Variants in FRS2 observed in about 807,000 individuals in gnomAD.
The protein encoded by FRS2 is FGFR signalling adaptor.
In FRS2, 8 loss-of-function variants were observed where a neutral mutation model predicts 43.9. The observed-to-expected ratio is 0.18, with a 90% confidence interval of 0.11 to 0.33. The LOEUF is 0.33. FRS2 is among the 10% of genes least tolerant of loss of function. FRS2 has a pLI of 1.00. For missense variants in FRS2, 534 were observed against 627.6 expected, an observed-to-expected ratio of 0.85 and a Z score of 1.59; for synonymous variants, 219 against 220.3, an observed-to-expected ratio of 0.99 and a Z score of 0.05.
At chr12:69,562,810 C>G (rs1449115622) in intron 4 of FRS2, among the ~76,000 whole-genome samples, 2 of 152,070 alleles carry the variant, frequency 1.3e-5, no homozygotes, top group Non-Finnish European at 1.5e-5. Context: ...CCACCTCAAC[C>G]TCCCAAGTAG....
chr12:69,489,894 T>G (rs550712848), intron 1 of FRS2, among the ~76,000 whole-genome samples: 10 of 151,880 alleles, frequency 6.6e-5, no homozygotes, highest in Admixed American at 5.9e-4. Flanking sequence ...TTGTTTGATA[T>G]GCCAGCTAAC....
intron 1 of FRS2, among the ~76,000 whole-genome samples, chr12:69,481,547 A>G (rs957648341): frequency 6.6e-6 from 1 of 152,096 alleles, no homozygotes; most frequent in African/African-American, 2.4e-5. Flanking sequence ...TCGGCCTCCC[A>G]AAGTGCTGGA....
At chr12:69,554,322 G>A (rs1879159702) in intron 3 of FRS2, among the ~76,000 whole-genome samples, 1 of 152,098 alleles carries the variant, frequency 6.6e-6, no homozygotes, top group South Asian at 2.1e-4. Flanking sequence ...ACATTTTAGG[G>A]TGTGTTCATC....
At chr12:69,482,772 G>T (rs1215550358) in intron 1 of FRS2, among the ~76,000 whole-genome samples, 1 of 152,206 alleles carries the variant, frequency 6.6e-6, no homozygotes, top group Non-Finnish European at 1.5e-5. Context: ...TATAGGCTTT[G>T]AGGTTCAAAA....
intron 1 of FRS2, among the ~76,000 whole-genome samples, chr12:69,475,795 C>G (rs1304761353): frequency 6.6e-6 from 1 of 152,108 alleles, no homozygotes; most frequent in Non-Finnish European, 1.5e-5. Flanking sequence ...TCCCGAAGTG[C>G]TGGACTGTGG....
chr12:69,530,653 G>A (rs1176804095), intron 1 of FRS2, among the ~76,000 whole-genome samples: 1 of 152,128 alleles, frequency 6.6e-6, no homozygotes, highest in Non-Finnish European at 1.5e-5. Flanking sequence ...TGAGGTGGGA[G>A]GATCGCCTGA....
At chr12:69,536,900 G>A (rs1483734379) in intron 3 of FRS2, among the ~76,000 whole-genome samples, 1 of 151,866 alleles carries the variant, frequency 6.6e-6, no homozygotes, top group Non-Finnish European at 1.5e-5. Context: ...CCCCTTCTGT[G>A]GTTTTTCTAT....
chr12:69,569,756 A>C (rs763768594), intron 5 of FRS2, among the ~76,000 whole-genome samples: 20 of 151,902 alleles, frequency 1.3e-4, no homozygotes, highest in Non-Finnish European at 2.2e-4. Context: ...CTCTTTTCCT[A>C]CTCCCAGGGG....
chr12:69,537,102 T>C (rs945880510), intron 3 of FRS2, among the ~76,000 whole-genome samples: 1 of 152,176 alleles, frequency 6.6e-6, no homozygotes, highest in Non-Finnish European at 1.5e-5. Context: ...TTAATCAGTA[T>C]CTTTAACCTA....
intron 1 of FRS2, among the ~76,000 whole-genome samples, chr12:69,526,451 A>T (rs1876235293): frequency 6.6e-6 from 1 of 150,444 alleles, no homozygotes; most frequent in Non-Finnish European, 1.5e-5. Flanking sequence ...TCAGAAAGAA[A>T]ATATTCCTAC....
Position 69,471,582 on chromosome 12 carries a change from G to T in FRS2, c.-261+1052G>T, listed in dbSNP as rs1870300117. On this transcript the variant is annotated intron_variant, in intron 1 of 8. Coordinates refer to ENST00000549921, the MANE Select transcript of FRS2 (RefSeq NM_001278356.2). ...AAGTGTTTACTTCGGATAAACTGAG[G>T]ATTTCCTAGGGGAGAAAGTGATGTA... 2.6e-5 allele frequency among the ~76,000 whole-genome samples: 4 copies of T among 152,344 alleles called. No individual in the cohort carries two copies. In the South Asian group the frequency reaches 8.3e-4, roughly 32 times the overall value.
intron 3 of FRS2, among the ~76,000 whole-genome samples, chr12:69,546,326 C>T (rs1162943050): frequency 2.0e-5 from 3 of 151,210 alleles, no homozygotes; most frequent in African/African-American, 7.3e-5. Flanking sequence ...GGTGTGATCT[C>T]GGCTCACTGC....
At chr12:69,516,377 C>T (rs150682448) in intron 1 of FRS2, among the ~76,000 whole-genome samples, 4,295 of 152,120 alleles carry the variant, frequency 0.028, 202 homozygotes, top group African/African-American at 0.098. Flanking sequence ...TGCCACCACG[C>T]CTGGCTAATT....
At chr12:69,477,437 C>T (rs2120662976) in intron 1 of FRS2, among the ~76,000 whole-genome samples, 1 of 151,874 alleles carries the variant, frequency 6.6e-6, no homozygotes, top group East Asian at 2.0e-4. Flanking sequence ...CGCCCGCCAA[C>T]ACGCCTGGCT....
intron 1 of FRS2, among the ~76,000 whole-genome samples, chr12:69,530,160 A>G (rs573758567): frequency 6.6e-6 from 1 of 151,426 alleles, no homozygotes; most frequent in South Asian, 2.1e-4. Flanking sequence ...ATAATTGCTT[A>G]TAACAATTAA....
rs770509561 is a variant in FRS2, at chr12:69,574,818, C to G, written c.1390C>G (p.Pro464Ala). 2 of 1,614,074 alleles carry G rather than the reference C, an allele frequency of 1.2e-6. No homozygotes were observed. The highest frequency in any genetic ancestry group is 1.7e-6 in the Non-Finnish European group (2 of 1,180,010). ...GCCTACAACTCCCCTTCCACAAACC[C>G]CTACCAGGCGCACAGAGCTGTATGC... ...KTPTTPLPQT[P>A]TRRTELYAVI... The change falls in exon 9 of 9, where the codon CCT (proline) becomes GCT (alanine). Residue 464 changes from proline to alanine, a missense_variant. This residue lies in a region of FRS2 where 446 missense variants were observed against 494.2 expected (regional missense o/e 0.90). Coordinates refer to ENST00000549921, the MANE Select transcript of FRS2 (RefSeq NM_001278356.2).
intron 3 of FRS2, among the ~76,000 whole-genome samples, chr12:69,553,950 C>T (rs1254392240): frequency 1.3e-5 from 2 of 152,166 alleles, no homozygotes; most frequent in East Asian, 3.8e-4. Context: ...ATTCATTCCC[C>T]TAAGATGTGA....
rs557258156 is a variant in FRS2, at chr12:69,560,711, A to G, written c.-121-1469A>G. On this transcript the variant is annotated intron_variant, in intron 3 of 8. Transcript: ENST00000549921. ...ACAGTAAGGTAAATTAGTTTGCTAT[A>G]GAAAAATAGGGTGGTGGTAGACAGC... Among the ~76,000 whole-genome samples the G allele has an allele frequency of 1.3e-3, 199 of 152,350 alleles. 1 individual carries two copies. The highest frequency in any genetic ancestry group is 4.5e-3 in the African/African-American group (188 of 41,586).
chr12:69,559,427 A>G (rs1879696849), intron 3 of FRS2, among the ~76,000 whole-genome samples: 1 of 152,154 alleles, frequency 6.6e-6, no homozygotes, highest in South Asian at 2.1e-4. Flanking sequence ...TGAATTATGA[A>G]GCAGTTCATC....
Sources: gnomAD v4.1 joint callset for allele counts (sites outside exome capture counted in the v4.1 genomes callset) on GRCh38, gnomAD v4.1.1 for gene constraint, gnomAD v4.1.1 regional missense constraint, MANE v1.5 for transcripts, NCBI Gene and HGNC (gene_info 2026-07-23, HGNC 2026-07-21) for gene names.